TMSB10: variants seen among roughly 807,000 people sequenced by gnomAD.
TMSB10 encodes the protein thymosin beta-10.
Under a neutral mutation model 4.5 loss-of-function variants are expected in TMSB10, and 4 were observed. The observed-to-expected ratio is 0.89, with a 90% CI of 0.44 to 2.03. The LOEUF (loss-of-function observed/expected upper bound fraction) is 2.03. TMSB10 is among the 30% of genes most tolerant of loss of function. TMSB10 has a pLI of 0.03. For synonymous variants in TMSB10, 17 were observed against 20.3 expected (o/e 0.84, Z 0.44); for missense variants, 44 against 53.9 (o/e 0.82, Z 0.57).
At chr2:84,906,332 T>G in intron 2 of TMSB10, 57 bp from the exon 3 acceptor site, 6 of 1,552,936 alleles carry the variant, frequency 3.9e-6, no homozygotes, top group Non-Finnish European at 5.2e-6. Context: ...GGGAAGCACC[T>G]CGGTTGCGGG....
chr2:84,905,823 C>G, intron 1 of TMSB10, 105 bp downstream of exon 1: 1 of 457,290 alleles, frequency 2.2e-6, no homozygotes. Context: ...GGACCGGACG[C>G]AGGGGCCGGC....
In TMSB10 at chr2:84,906,602, T is replaced by G; in HGVS notation, c.*179T>G. ...CCCCCCCAATCGGACTGCCAAATTC[T>G]CCGGTTTGCCCCGGGATATTATAGA... On this transcript the variant is annotated 3_prime_UTR_variant, in exon 3 of 3. Coordinates refer to ENST00000233143, the MANE Select transcript of TMSB10 (RefSeq NM_021103.4). The G allele has an allele frequency of 1.8e-6, 1 of 551,958 alleles. No individual in the cohort carries two copies. The highest frequency in any genetic ancestry group is 3.0e-6 in the Non-Finnish European group (1 of 334,340). 34.2% of individuals were successfully genotyped at this position (551,958 alleles called of 1,614,324 possible). A position where few individuals can be genotyped will look rare whatever the true frequency, so the allele number is the denominator to read the frequency against.
chr2:84,905,848 A>G, intron 1 of TMSB10, 130 bp downstream of exon 1: 1 of 560,378 alleles, frequency 1.8e-6, no homozygotes, highest in East Asian at 3.5e-5. Context: ...ACGCCCTGGG[A>G]CCGAGAAGAG....
intron 1 of TMSB10, 128 bp from the exon 2 acceptor site, chr2:84,905,875 C>A: frequency 1.4e-6 from 1 of 694,010 alleles, no homozygotes; most frequent in Non-Finnish European, 2.4e-6. Context: ...GGGACGCGCC[C>A]AGATCCTCGG....
Position 84,906,448 on chromosome 2 carries a change from G to A in TMSB10, c.*25G>A. 1.2e-6 allele frequency: 2 copies of A among 1,600,732 alleles called. No homozygotes were observed. Reference sequence around the variant, plus strand: ...AGATCCTGGAGGATTTCCTACCCCCGTCCTCTTCGAGACCCCAGTCGTGAT... The same window carrying A: ...AGATCCTGGAGGATTTCCTACCCCCATCCTCTTCGAGACCCCAGTCGTGAT... On this transcript the variant is annotated 3_prime_UTR_variant, in exon 3 of 3. Transcript: ENST00000233143.
At chr2:84,906,232 C>A in intron 2 of TMSB10, 115 bp downstream of exon 2, 1 of 1,436,814 alleles carries the variant, frequency 7.0e-7, no homozygotes, top group South Asian at 1.3e-5. Context: ...CGGCCCCGGC[C>A]ACTCTTTCAG....
At chr2:84,905,821 C>G (rs1176521726) in intron 1 of TMSB10, 103 bp downstream of exon 1, 1 of 452,382 alleles carries the variant, frequency 2.2e-6, no homozygotes, top group Admixed American at 4.6e-5. Context: ...TCGGACCGGA[C>G]GCAGGGGCCG....
At chr2:84,906,300 T>C in intron 2 of TMSB10, 89 bp from the exon 3 acceptor site, 1 of 1,495,196 alleles carries the variant, frequency 6.7e-7, no homozygotes, top group Non-Finnish European at 9.0e-7. Flanking sequence ...TCCCCACACC[T>C]CGTGGGTGCC....
In TMSB10 at chr2:84,906,519, A is replaced by T. The variant is rs1389935915; in HGVS notation, c.*96A>T. ...AAGATGGACACGAGCCACAAGCTGC[A>T]CTGTGAACCTGGGCACTCCGCGCCG... On this transcript the variant is annotated 3_prime_UTR_variant, in exon 3 of 3. Transcript: ENST00000233143. The T allele has an allele frequency of 1.4e-6, 2 of 1,446,938 alleles. No individual in the cohort carries two copies. Among genetic ancestry groups the T allele is most frequent in the African/African-American group, 2.8e-5 (2 of 71,240 alleles). 89.6% of individuals were successfully genotyped at this position (1,446,938 alleles called of 1,614,324 possible).
In TMSB10 at chr2:84,906,566, C is replaced by G. The variant is rs1050802; in HGVS notation, c.*143C>G. 3.7e-5 allele frequency: 31 copies of G among 843,142 alleles called. No individual in the cohort carries two copies. The highest frequency in any genetic ancestry group is 5.0e-5 in the Non-Finnish European group (30 of 595,394). The allele number at this position is 843,142 out of a possible 1,614,324, so 52.2% of individuals were successfully genotyped here. A position where few individuals can be genotyped will look rare whatever the true frequency, so the allele number is the denominator to read the frequency against. On this transcript the variant is annotated 3_prime_UTR_variant, in exon 3 of 3. Coordinates refer to ENST00000233143, the MANE Select transcript of TMSB10 (RefSeq NM_021103.4). The stretch of plus-strand genomic sequence containing the variant: ...GCCGATGCCACCGGCCTGTGGGTCT[C>G]TGAAGGGACCCCCCCCCAATCGGAC...
At position 84,906,581 on chromosome 2, in the gene TMSB10, C is replaced by T. The variant is rs570634566; in HGVS notation, c.*158C>T. On this transcript the variant is annotated 3_prime_UTR_variant, in exon 3 of 3. Coordinates refer to ENST00000233143, the MANE Select transcript of TMSB10 (RefSeq NM_021103.4). Reference sequence around the variant, plus strand: ...CTGTGGGTCTCTGAAGGGACCCCCCCCCAATCGGACTGCCAAATTCTCCGG... The same window carrying T: ...CTGTGGGTCTCTGAAGGGACCCCCCTCCAATCGGACTGCCAAATTCTCCGG... 1 of 637,266 alleles carries T rather than the reference C, an allele frequency of 1.6e-6. No individual in the cohort carries two copies. The highest frequency in any genetic ancestry group is 2.4e-6 in the Non-Finnish European group (1 of 417,822). 39.5% of individuals were successfully genotyped at this position (637,266 alleles called of 1,614,324 possible).
At chr2:84,905,787 C>T (rs899179784) in intron 1 of TMSB10, 69 bp downstream of exon 1, 117 of 397,052 alleles carry the variant, frequency 2.9e-4, no homozygotes, top group African/African-American at 2.2e-3. Flanking sequence ...GGCGGGCGCG[C>T]CGCAACCGCG....
Position 84,906,570 on chromosome 2 carries a change from A to G in TMSB10, c.*147A>G. On this transcript the variant is annotated 3_prime_UTR_variant, in exon 3 of 3. Transcript: ENST00000233143. ...ATGCCACCGGCCTGTGGGTCTCTGA[A>G]GGGACCCCCCCCCAATCGGACTGCC... The G allele has an allele frequency of 1.2e-6, 1 of 820,216 alleles. No homozygotes were observed. 50.8% of individuals were successfully genotyped at this position (820,216 alleles called of 1,614,324 possible).
At chr2:84,906,345 G>C in intron 2 of TMSB10, 44 bp from the exon 3 acceptor site, 2 of 1,568,390 alleles carry the variant, frequency 1.3e-6, no homozygotes, top group Non-Finnish European at 1.7e-6. Context: ...GTTGCGGGTG[G>C]GGGTTGCAGC....
In TMSB10 at chr2:84,906,477, GA is replaced by G; in HGVS notation, c.*55del. 1 of 1,557,558 alleles carries G rather than the reference GA, an allele frequency of 6.4e-7. No individual in the cohort carries two copies. On this transcript the variant is annotated 3_prime_UTR_variant, in exon 3 of 3. Transcript: ENST00000233143. The stretch of plus-strand genomic sequence containing the variant: ...TCTTCGAGACCCCAGTCGTGATGTG[GA>G]GGAAGAGCCACCTGCAAGATGGACA...
At position 84,906,116 on chromosome 2, in the gene TMSB10, G is replaced by C; in HGVS notation, c.99G>C (p.Glu33Asp). 2 of 1,613,932 alleles carry C rather than the reference G, an allele frequency of 1.2e-6. No homozygotes were observed. The highest frequency in any genetic ancestry group is 8.5e-7 in the Non-Finnish European group (1 of 1,179,896). ...AGAAGAACACCCTGCCGACCAAAGA[G>C]AGTGAGTGTGCCTCGGTCTCCCGCG... Reference protein sequence around the residue: ...TQEKNTLPTKETIEQEKRSEI... With the variant: ...TQEKNTLPTKDTIEQEKRSEI... The change falls in exon 2 of 3, where the codon GAG becomes GAC. Residue 33 changes from glutamate to aspartate, a missense_variant and splice_region_variant. Physicochemically the swap from Glu to Asp is conservative, Grantham distance 45. Coordinates refer to ENST00000233143, the MANE Select transcript of TMSB10 (RefSeq NM_021103.4).
chr2:84,906,436 T>C lies in TMSB10; in HGVS notation c.*13T>C. On this transcript the variant is annotated 3_prime_UTR_variant, in exon 3 of 3. Coordinates refer to ENST00000233143, the MANE Select transcript of TMSB10 (RefSeq NM_021103.4). ...TGAAATTTCCTAAGATCCTGGAGGA[T>C]TTCCTACCCCCGTCCTCTTCGAGAC... 1 of 1,605,276 alleles carries C rather than the reference T, an allele frequency of 6.2e-7. No homozygotes were observed. The highest frequency in any genetic ancestry group is 8.5e-7 in the Non-Finnish European group (1 of 1,177,664).
intron 2 of TMSB10, 83 bp downstream of exon 2, chr2:84,906,200 C>T: frequency 1.4e-6 from 2 of 1,466,852 alleles, no homozygotes; most frequent in Non-Finnish European, 1.9e-6. Context: ...ACCCCCCACC[C>T]CGCCGTTGTC....
rs1361842667 is a variant in TMSB10 at position 84,906,370 on chromosome 2, C to T, written c.101-19C>T. 3.8e-6 allele frequency: 6 copies of T among 1,592,248 alleles called. No individual in the cohort carries two copies. The South Asian group carries it at 4.5e-5, about 12-fold the overall frequency. On this transcript the variant is annotated intron_variant, in intron 2 of 2. Coordinates refer to ENST00000233143, the MANE Select transcript of TMSB10 (RefSeq NM_021103.4). ...GGGGTTGCAGCTCCCCTCCAGCGCC[C>T]GCTTCCCGCTCTCCACAGCCATTGA... is the stretch of plus-strand genomic sequence containing the variant.
Sources: allele counts gnomAD v4.1 joint callset, GRCh38; gene constraint gnomAD v4.1.1; transcripts MANE v1.5; gene names NCBI Gene and HGNC (gene_info 2026-07-23, HGNC 2026-07-21).